PTK2B: variants seen among roughly 807,000 people sequenced by gnomAD.
The protein encoded by PTK2B is protein-tyrosine kinase 2-beta.
PTK2B carries 71 observed loss-of-function variants against 142.9 expected under a neutral mutation model. That is an observed-to-expected ratio of 0.50 (90% CI 0.41 to 0.61). The LOEUF (loss-of-function observed/expected upper bound fraction) is 0.61, where lower values mean the gene tolerates loss of function less well. Ranked by LOEUF, PTK2B falls within the 20% of genes least tolerant of loss-of-function variation. PTK2B has a pLI of 0.00. For synonymous variants in PTK2B, 519 were observed against 503.4 expected (o/e 1.03, Z -0.42); for missense variants, 1,105 against 1,320.4 (o/e 0.84, Z 2.53).
chr8:27,439,280 T>A, intron 19 of PTK2B, 29 bp from the exon 20 acceptor site: 1 of 1,589,822 alleles, frequency 6.3e-7, no homozygotes, highest in Non-Finnish European at 8.6e-7. Context: ...CTTTCTTCCC[T>A]AAAAATCAAC....
At chr8:27,436,088 C>T (rs1488722094) in intron 14 of PTK2B, among the ~76,000 whole-genome samples, 163 bp from the exon 15 acceptor site, 1 of 152,120 alleles carries the variant, frequency 6.6e-6, no homozygotes, top group Non-Finnish European at 1.5e-5. Context: ...GGGTCTGAGA[C>T]AGTGGAACAT....
rs1293187056 is a variant in PTK2B at position 27,431,029 on chromosome 8, T to C, written c.810+13T>C. On this transcript the variant is annotated intron_variant, in intron 8 of 30. Coordinates refer to ENST00000346049, the MANE Select transcript of PTK2B (RefSeq NM_173176.3). ...CTGTGAACTCATTGTAATGGCGGGCTCTCTTGATCCTCTCCCTGACCTGGA... is the reference window on the plus strand; with the variant it reads ...CTGTGAACTCATTGTAATGGCGGGCCCTCTTGATCCTCTCCCTGACCTGGA... The C allele has an allele frequency of 2.5e-6, 4 of 1,607,736 alleles. No homozygotes were observed. Among genetic ancestry groups the C allele is most frequent in the Non-Finnish European group, 3.4e-6 (4 of 1,175,954 alleles).
chr8:27,310,671 G>A, upstream of PTK2B: 2 of 1,060,176 alleles, frequency 1.9e-6, no homozygotes, highest in Non-Finnish European at 2.7e-6. Context: ...GGAGAGGTGG[G>A]GTCCTGCATG....
chr8:27,446,893 T>C (rs1343667365), intron 24 of PTK2B, among the ~76,000 whole-genome samples: 3 of 152,242 alleles, frequency 2.0e-5, no homozygotes, highest in Non-Finnish European at 4.4e-5. Context: ...TGAAATCAAT[T>C]TTCCTCTGAC....
Position 27,458,486 on chromosome 8 carries a change from C to G in PTK2B, c.3007C>G (p.Leu1003Val). Residue 1003 changes from leucine to valine, a missense_variant, in exon 31 of 31, where the codon CTG becomes GTG. By Grantham distance (32) the Leu-to-Val change is conservative. Coordinates refer to ENST00000346049, the MANE Select transcript of PTK2B (RefSeq NM_173176.3). Reference sequence around the variant, plus strand: ...GGACCAGGCCAAGGTTCTGGCCAATCTGGCCCACCCACCTGCAGAGTGACG... The same window carrying G: ...GGACCAGGCCAAGGTTCTGGCCAATGTGGCCCACCCACCTGCAGAGTGACG... The part of the protein sequence containing the change: ...AVDQAKVLAN[L>V]AHPPAE 1.3e-6 allele frequency: 2 copies of G among 1,583,184 alleles called. No individual in the cohort carries two copies. The highest frequency in any genetic ancestry group is 1.7e-6 in the Non-Finnish European group (2 of 1,165,060).
At chr8:27,443,670 C>G (rs1277917079) in intron 22 of PTK2B, among the ~76,000 whole-genome samples, 1 of 152,194 alleles carries the variant, frequency 6.6e-6, no homozygotes, top group East Asian at 1.9e-4. Context: ...AAAACCTGCA[C>G]TTCCTTAATG....
intron 2 of PTK2B, among the ~76,000 whole-genome samples, chr8:27,405,920 T>C (rs1808686004): frequency 1.3e-5 from 2 of 152,238 alleles, no homozygotes; most frequent in Non-Finnish European, 1.5e-5. Context: ...TCAGAAGGTA[T>C]ATAACCAGTG....
intron 2 of PTK2B, among the ~76,000 whole-genome samples, chr8:27,416,466 AAAATGAATACCATATAC>A (rs1449763314): frequency 6.6e-6 from 1 of 152,258 alleles, no homozygotes; most frequent in African/African-American, 2.4e-5. Context: ...TATATTTTTG[AAAATGAATACCATATAC>A]AAAAATTAAT....
In PTK2B at chr8:27,437,376, C is replaced by T; in HGVS notation, c.1427-20C>T. On this transcript the variant is annotated intron_variant, in intron 16 of 30. Transcript: ENST00000346049. Reference sequence around the variant, plus strand: ...CCTTTGAGCCGCTCCACCTGTCCCTCTTGCCCCACCACACTGCAGTGATCA... The same window carrying T: ...CCTTTGAGCCGCTCCACCTGTCCCTTTTGCCCCACCACACTGCAGTGATCA... 6.2e-7 allele frequency: 1 copy of T among 1,602,126 alleles called. No individual in the cohort carries two copies. The highest frequency in any genetic ancestry group is 8.5e-7 in the Non-Finnish European group (1 of 1,172,888).
At chr8:27,355,776 C>A (rs539159923) in intron 1 of PTK2B, among the ~76,000 whole-genome samples, 2 of 152,296 alleles carry the variant, frequency 1.3e-5, no homozygotes, top group African/African-American at 4.8e-5. Flanking sequence ...GTAATCCCAG[C>A]ACTTTGGGAG....
At chr8:27,319,714 A>G (rs1247087053) in intron 3 of PTK2B, among the ~76,000 whole-genome samples, 1 of 152,060 alleles carries the variant, frequency 6.6e-6, no homozygotes, top group Non-Finnish European at 1.5e-5. Context: ...AGCTATAGCA[A>G]TAGCAAGGAA....
chr8:27,438,430 C>CTGTGGGA, intron 18 of PTK2B, among the ~76,000 whole-genome samples: 1 of 152,236 alleles, frequency 6.6e-6, no homozygotes, highest in Non-Finnish European at 1.5e-5. Context: ...TGGGCATTAC[C>CTGTGGGA]CACCATTGAC....
chr8:27,320,094 G>C (rs949502976), intron 3 of PTK2B, among the ~76,000 whole-genome samples: 4 of 152,104 alleles, frequency 2.6e-5, no homozygotes, highest in African/African-American at 4.8e-5. Flanking sequence ...TTTGTAGTGG[G>C]GAGGAGTCTG....
intron 2 of PTK2B, among the ~76,000 whole-genome samples, chr8:27,410,312 G>A (rs745880536): frequency 2.2e-4 from 34 of 151,956 alleles, no homozygotes; most frequent in Non-Finnish European, 2.5e-4. Context: ...GTTGGGCTGC[G>A]ATGCAGCCAC....
intron 23 of PTK2B, among the ~76,000 whole-genome samples, chr8:27,444,479 C>T (rs141823112): frequency 1.5e-3 from 227 of 152,202 alleles, no homozygotes; most frequent in Non-Finnish European, 2.2e-3. Context: ...CAGCTAAGAC[C>T]TGCCTTAAGC....
intron 1 of PTK2B, among the ~76,000 whole-genome samples, chr8:27,380,367 T>A (rs1271137414): frequency 2.6e-5 from 4 of 152,170 alleles, no homozygotes; most frequent in African/African-American, 9.7e-5. Context: ...GGAAAACTCC[T>A]GCTACCATGT....
chr8:27,402,375 A>G (rs1808434947), intron 2 of PTK2B, among the ~76,000 whole-genome samples: 1 of 152,188 alleles, frequency 6.6e-6, no homozygotes, highest in Non-Finnish European at 1.5e-5. Flanking sequence ...GTGGAGTACA[A>G]TTGAGACACA....
chr8:27,361,616 T>C (rs1391257756), intron 1 of PTK2B, among the ~76,000 whole-genome samples: 1 of 152,028 alleles, frequency 6.6e-6, no homozygotes, highest in Non-Finnish European at 1.5e-5. Flanking sequence ...GGAGGGACCT[T>C]GGATAGGGGG....
chr8:27,458,841 C>A lies in PTK2B; in HGVS notation c.*332C>A, dbSNP rs899455017. 10 of 438,632 alleles carry A rather than the reference C, an allele frequency of 2.3e-5. No homozygotes were observed. The highest frequency in any genetic ancestry group is 1.4e-4 in the African/African-American group (7 of 50,682). 27.2% of individuals were successfully genotyped at this position (438,632 alleles called of 1,614,324 possible). On this transcript the variant is annotated 3_prime_UTR_variant, in exon 31 of 31. Transcript: ENST00000346049. ...GGGAGGTGTCACATGGTGCCCCTAG[C>A]TTTATATATGGACATGGCAGGCCGA...
Sources: gnomAD v4.1 joint callset for allele counts (sites outside exome capture counted in the v4.1 genomes callset) on GRCh38, gnomAD v4.1.1 for gene constraint, MANE v1.5 for transcripts, NCBI Gene and HGNC (gene_info 2026-07-23, HGNC 2026-07-21) for gene names.